Variants in YWHAE observed in about 807,000 individuals in gnomAD.
The protein encoded by YWHAE is tyrosine 3-monooxygenase/tryptophan 5-monooxygenase activation protein epsilon.
A neutral mutation model predicts 30.1 loss-of-function variants in YWHAE; 4 were observed. The ratio of observed to expected loss-of-function variants is 0.13; its 90% confidence interval spans 0.07 to 0.30. The LOEUF is 0.30. Ranked by LOEUF, YWHAE falls within the 10% of genes least tolerant of loss-of-function variation. The probability of loss-of-function intolerance (pLI) is 1.00; values close to 1 mark genes in which losing one functional copy is unlikely to be tolerated. For synonymous variants in YWHAE, 118 were observed against 111.8 expected, an observed-to-expected ratio of 1.06 and a Z score of -0.35; for missense variants, 121 against 315.9, an observed-to-expected ratio of 0.38 and a Z score of 4.68.
intron 1 of YWHAE, among the ~76,000 whole-genome samples, chr17:1,383,054 A>C (rs1001591882): frequency 4.6e-5 from 7 of 151,422 alleles, no homozygotes; most frequent in African/African-American, 1.5e-4. Flanking sequence ...AAGGCAAAAC[A>C]AAAGTGGAAA....
At chr17:1,368,102 T>C (rs1372777756) in intron 1 of YWHAE, among the ~76,000 whole-genome samples, 3 of 151,664 alleles carry the variant, frequency 2.0e-5, no homozygotes, top group Non-Finnish European at 1.5e-5. Flanking sequence ...AATATAAAAA[T>C]TAGGCCAGGC....
chr17:1,346,569 T>C (rs1003524338), intron 5 of YWHAE, among the ~76,000 whole-genome samples: 4 of 152,190 alleles, frequency 2.6e-5, no homozygotes, highest in African/African-American at 9.7e-5. Flanking sequence ...AAATGACAAA[T>C]GTCACAGCAT....
chr17:1,371,268 A>G (rs9908654), intron 1 of YWHAE, among the ~76,000 whole-genome samples: 37,569 of 151,884 alleles, frequency 0.25, 5,386 homozygotes, highest in African/African-American at 0.39. Flanking sequence ...ATTTTTTTGT[A>G]AAGACAGGGT....
intron 5 of YWHAE, among the ~76,000 whole-genome samples, chr17:1,353,254 C>G (rs1330610267): frequency 6.6e-6 from 1 of 151,648 alleles, no homozygotes; most frequent in Non-Finnish European, 1.5e-5. Flanking sequence ...CTGGCTAACA[C>G]AGTGAAACTC....
chr17:1,369,213 T>C (rs2072992483), intron 1 of YWHAE, among the ~76,000 whole-genome samples: 1 of 152,122 alleles, frequency 6.6e-6, no homozygotes, highest in South Asian at 2.1e-4. Flanking sequence ...ATTTAAAGTG[T>C]ACTATTCGGC....
chr17:1,397,619 G>T (rs1321861101), intron 1 of YWHAE, among the ~76,000 whole-genome samples: 1 of 152,126 alleles, frequency 6.6e-6, no homozygotes, highest in Non-Finnish European at 1.5e-5. Context: ...ACCCAACAAA[G>T]AAATCCTGCC....
At chr17:1,365,342 G>A (rs911210685) in intron 1 of YWHAE, among the ~76,000 whole-genome samples, 3 of 151,978 alleles carry the variant, frequency 2.0e-5, no homozygotes, top group Non-Finnish European at 4.4e-5. Context: ...CATTAAATAA[G>A]GTAATTAGGC....
chr17:1,380,146 C>T (rs1268365521), intron 1 of YWHAE, among the ~76,000 whole-genome samples: 1 of 149,380 alleles, frequency 6.7e-6, no homozygotes, highest in African/African-American at 2.5e-5. Flanking sequence ...CGGAGCCTCA[C>T]TCTGTCGCCC....
intron 5 of YWHAE, among the ~76,000 whole-genome samples, chr17:1,349,914 C>T (rs893374259): frequency 2.0e-5 from 3 of 150,910 alleles, no homozygotes; most frequent in Admixed American, 6.6e-5. Context: ...TGCGCCCAGC[C>T]GAATTTCACT....
intron 1 of YWHAE, among the ~76,000 whole-genome samples, chr17:1,384,494 A>C (rs189853198): frequency 6.7e-6 from 1 of 149,412 alleles, no homozygotes; most frequent in African/African-American, 2.5e-5. Context: ...GATCAAGACC[A>C]TCCTGGCTAA....
intron 1 of YWHAE, 53 bp downstream of exon 1, chr17:1,399,994 G>C: frequency 6.2e-7 from 1 of 1,605,602 alleles, no homozygotes; most frequent in South Asian, 1.1e-5. Context: ...GGCCTCTGTG[G>C]GCGGCGGCAG....
rs184349303 is a variant in YWHAE, at chr17:1,355,983, A to G, written c.579-1636T>C. ...GGAGATCGAGACCATCCTGGCTAAC[A>G]CAGTGAAACCCCGTCTCTACTAAAA... On this transcript the variant is annotated intron_variant, in intron 4 of 5. Transcript: ENST00000264335. Among the ~76,000 whole-genome samples the G allele has an allele frequency of 6.3e-3, 961 of 152,246 alleles. 14 individuals carry two copies. Among genetic ancestry groups the G allele is most frequent in the African/African-American group, 0.022 (918 of 41,556 alleles).
intron 2 of YWHAE, chr17:1,364,598 G>A: frequency 2.0e-6 from 1 of 502,476 alleles, no homozygotes. Context: ...TATCCAAGAG[G>A]GATCCATTGA....
chr17:1,382,347 C>CTT (rs546696128), intron 1 of YWHAE, among the ~76,000 whole-genome samples: 8,907 of 119,226 alleles, frequency 0.075, 403 homozygotes, highest in Middle Eastern at 0.1. Flanking sequence ...CGCGCCCGGC[C>CTT]TTTTTTTTTT....
intron 5 of YWHAE, among the ~76,000 whole-genome samples, chr17:1,349,212 G>A (rs1353842863): frequency 6.6e-6 from 1 of 151,988 alleles, no homozygotes; most frequent in Non-Finnish European, 1.5e-5. Flanking sequence ...GTGGTGGTGG[G>A]CACCTGTAGT....
At chr17:1,371,211 T>C (rs1045813081) in intron 1 of YWHAE, among the ~76,000 whole-genome samples, 6 of 151,964 alleles carry the variant, frequency 3.9e-5, no homozygotes, top group African/African-American at 7.2e-5. Flanking sequence ...GCCTCCTGAG[T>C]AGCTGGGACT....
At chr17:1,396,649 TTTTA>T (rs1212677867) in intron 1 of YWHAE, among the ~76,000 whole-genome samples, 1 of 152,164 alleles carries the variant, frequency 6.6e-6, no homozygotes, top group African/African-American at 2.4e-5. Context: ...ATTCCCCGTT[TTTTA>T]TTGTTGCTGT....
intron 1 of YWHAE, among the ~76,000 whole-genome samples, chr17:1,385,791 T>G (rs2073291211): frequency 6.6e-6 from 1 of 152,046 alleles, no homozygotes; most frequent in Admixed American, 6.6e-5. Context: ...GACAACACTA[T>G]TCAGAGAGAA....
chr17:1,370,198 C>T (rs1215835255), intron 1 of YWHAE, among the ~76,000 whole-genome samples: 1 of 139,906 alleles, frequency 7.1e-6, no homozygotes, highest in Non-Finnish European at 1.5e-5. Flanking sequence ...GTGATCTCGG[C>T]TCACTGCAAG....
Sources: gnomAD v4.1 joint callset for allele counts (sites outside exome capture counted in the v4.1 genomes callset) on GRCh38, gnomAD v4.1.1 for gene constraint, MANE v1.5 for transcripts, NCBI Gene and HGNC (gene_info 2026-07-23, HGNC 2026-07-21) for gene names.